The following NAA15 variants were observed in gnomAD, a reference collection of about 807,000 sequenced individuals.
NAA15 encodes N-terminal acetyltransferase.
NAA15 carries 34 observed loss-of-function variants against 114.0 expected under a neutral mutation model. That is an observed-to-expected ratio of 0.30 (90% CI 0.23 to 0.40). The LOEUF is 0.40. Among genes scored for constraint, NAA15 ranks in the 10% least tolerant of loss-of-function variants. The pLI is 1.00. For synonymous variants in NAA15, 340 were observed against 338.0 expected (o/e 1.01, Z -0.06); for missense variants, 658 against 1,004.5 (o/e 0.66, Z 4.66).
In NAA15 at chr4:139,376,616, C is replaced by T. The variant is rs55895938; in HGVS notation, c.2056+143C>T. ...TTCTCACAGAAATGCCTGCTATGAA[C>T]AGAATGTGTAGGGAGATATAATGAT... On this transcript the variant is annotated intron_variant, in intron 16 of 19. Transcript: ENST00000296543. 0.054 allele frequency: 35,120 copies of T among 645,818 alleles called. 1,169 individuals carry two copies. The highest frequency in any genetic ancestry group is 0.069 in the Non-Finnish European group (24,795 of 361,376). The allele number at this position is 645,818 out of a possible 1,614,324, so 40.0% of individuals were successfully genotyped here.
chr4:139,322,981 G>A (rs1746671108), intron 1 of NAA15, among the ~76,000 whole-genome samples: 1 of 151,642 alleles, frequency 6.6e-6, no homozygotes, highest in Admixed American at 6.6e-5. Flanking sequence ...ATAAGCCACC[G>A]CTCCCAGCCT....
intron 7 of NAA15, among the ~76,000 whole-genome samples, chr4:139,350,108 C>G (rs1747729699): frequency 6.6e-6 from 1 of 151,944 alleles, no homozygotes; most frequent in Admixed American, 6.6e-5. Context: ...ATTTTAGAGA[C>G]AACTTTAGAA....
At chr4:139,308,897 G>T (rs1046160626) in intron 1 of NAA15, among the ~76,000 whole-genome samples, 1 of 151,862 alleles carries the variant, frequency 6.6e-6, no homozygotes, top group Non-Finnish European at 1.5e-5. Flanking sequence ...GATTACAGGC[G>T]TGAGCCACCG....
intron 17 of NAA15, chr4:139,379,295 C>G (rs1411823392): frequency 6.6e-6 from 1 of 152,412 alleles, no homozygotes; most frequent in South Asian, 2.1e-4. Context: ...TACTTTAAAA[C>G]AATTATCTGT....
At chr4:139,354,376 G>A (rs942832680) in intron 10 of NAA15, among the ~76,000 whole-genome samples, 2 of 152,096 alleles carry the variant, frequency 1.3e-5, no homozygotes, top group Admixed American at 1.3e-4. Flanking sequence ...ACAGCTCACT[G>A]CAGCTTCGAC....
rs1156613890 is a variant in NAA15 at position 139,388,529 on chromosome 4, A to G, written c.*445A>G. Reference sequence around the variant, plus strand: ...GAGCACAAAGAGTTGTTGGGGCTTTAGCATCTGACTGATTTTGTTACGGGG... The same window carrying G: ...GAGCACAAAGAGTTGTTGGGGCTTTGGCATCTGACTGATTTTGTTACGGGG... On this transcript the variant is annotated 3_prime_UTR_variant, in exon 20 of 20. Coordinates refer to ENST00000296543, the MANE Select transcript of NAA15 (RefSeq NM_057175.5). 1 of 157,446 alleles carries G rather than the reference A, an allele frequency of 6.4e-6. No individual in the cohort carries two copies. Among genetic ancestry groups the G allele is most frequent in the Non-Finnish European group, 1.4e-5 (1 of 71,218 alleles). The allele number at this position is 157,446 out of a possible 1,614,324, so 9.8% of individuals were successfully genotyped here. A position where few individuals can be genotyped will look rare whatever the true frequency, so the allele number is the denominator to read the frequency against.
chr4:139,344,298 A>C lies in NAA15; in HGVS notation c.650A>C (p.Glu217Ala). The change falls in exon 6 of 20, where the codon GAA (glutamate) becomes GCA (alanine). Residue 217 changes from glutamate to alanine, a missense_variant. Around this residue, in one of 6 missense-constraint regions of NAA15, gnomAD observed 281 missense variants for 389.1 expected, o/e 0.72. Coordinates refer to ENST00000296543, the MANE Select transcript of NAA15 (RefSeq NM_057175.5). ...REALEHLCTY[E>A]KQICDKLAVE... ...GCTTTGGAACATCTTTGTACCTATG[A>C]AAAGCAGATTTGTGATAAACTTGCT... 1 of 1,611,722 alleles carries C rather than the reference A, an allele frequency of 6.2e-7. No homozygotes were observed. The highest frequency in any genetic ancestry group is 8.5e-7 in the Non-Finnish European group (1 of 1,179,074).
At chr4:139,332,934 C>G (rs1747072757) in intron 1 of NAA15, among the ~76,000 whole-genome samples, 1 of 152,072 alleles carries the variant, frequency 6.6e-6, no homozygotes, top group Non-Finnish European at 1.5e-5. Flanking sequence ...GAGATTGGTT[C>G]CAGGATCTCC....
At chr4:139,384,251 C>G (rs1299967663) in intron 17 of NAA15, among the ~76,000 whole-genome samples, 1 of 152,164 alleles carries the variant, frequency 6.6e-6, no homozygotes, top group Non-Finnish European at 1.5e-5. Context: ...CCAAGGTGAA[C>G]AGATCTCTTG....
chr4:139,385,808 G>T (rs1748895907), intron 18 of NAA15, among the ~76,000 whole-genome samples: 1 of 152,112 alleles, frequency 6.6e-6, no homozygotes, highest in African/African-American at 2.4e-5. Flanking sequence ...GACTATCATG[G>T]TCCTACCACA....
At chr4:139,356,206 T>C (rs1367603590) in intron 10 of NAA15, among the ~76,000 whole-genome samples, 3 of 152,188 alleles carry the variant, frequency 2.0e-5, no homozygotes, top group Non-Finnish European at 4.4e-5. Flanking sequence ...AATAACCACA[T>C]TACAAATCTC....
intron 1 of NAA15, among the ~76,000 whole-genome samples, chr4:139,326,600 C>A (rs1400962002): frequency 2.0e-5 from 3 of 152,064 alleles, no homozygotes; most frequent in Non-Finnish European, 4.4e-5. Context: ...TTCGTTAATT[C>A]CTCAAAGTAA....
At chr4:139,308,042 T>A (rs950067492) in intron 1 of NAA15, among the ~76,000 whole-genome samples, 5 of 151,998 alleles carry the variant, frequency 3.3e-5, no homozygotes, top group Admixed American at 6.6e-5. Context: ...GCTCATTGCA[T>A]GCTCTGCCTC....
chr4:139,346,482 GAAGAT>G (rs1747585459), intron 6 of NAA15, among the ~76,000 whole-genome samples: 1 of 151,998 alleles, frequency 6.6e-6, no homozygotes, highest in South Asian at 2.1e-4. Context: ...GTTGGTGGGA[GAAGAT>G]AAGATGGTCA....
At chr4:139,343,803 A>G (rs930808565) in intron 5 of NAA15, among the ~76,000 whole-genome samples, 1 of 152,170 alleles carries the variant, frequency 6.6e-6, no homozygotes, top group Non-Finnish European at 1.5e-5. Flanking sequence ...TCAAACTTTC[A>G]CCATCTAGTT....
intron 1 of NAA15, among the ~76,000 whole-genome samples, chr4:139,306,682 T>G (rs556582210): frequency 6.6e-6 from 1 of 152,150 alleles, no homozygotes; most frequent in East Asian, 1.9e-4. Context: ...TAGAAAATTG[T>G]GGCCTTTGCC....
At chr4:139,355,535 A>C (rs1006576544) in intron 10 of NAA15, among the ~76,000 whole-genome samples, 2 of 152,100 alleles carry the variant, frequency 1.3e-5, no homozygotes, top group Non-Finnish European at 2.9e-5. Context: ...TGCTAGTATG[A>C]TAGCCAGTAG....
rs1032125279 is a variant in NAA15, at chr4:139,373,088, C to T, written c.1947+2684C>T. The stretch of plus-strand genomic sequence containing the variant: ...ATGGCAATGGGATTCTACCATGTTG[C>T]CCAGGCTGGTCTCAAACTCTTGGGC... On this transcript the variant is annotated intron_variant, in intron 15 of 19. Coordinates refer to ENST00000296543, the MANE Select transcript of NAA15 (RefSeq NM_057175.5). 2.0e-5 allele frequency among the ~76,000 whole-genome samples: 3 copies of T among 152,020 alleles called. No homozygotes were observed. In the East Asian group the frequency reaches 5.8e-4, roughly 29 times the overall value.
At chr4:139,308,085 C>T (rs1746084964) in intron 1 of NAA15, among the ~76,000 whole-genome samples, 1 of 151,984 alleles carries the variant, frequency 6.6e-6, no homozygotes, top group African/African-American at 2.4e-5. Flanking sequence ...CCTCAGCCTC[C>T]TGAGTAGCTG....
Sources: gnomAD v4.1 joint callset for allele counts (sites outside exome capture counted in the v4.1 genomes callset) on GRCh38, gnomAD v4.1.1 for gene constraint, gnomAD v4.1.1 regional missense constraint, MANE v1.5 for transcripts, NCBI Gene and HGNC (gene_info 2026-07-23, HGNC 2026-07-21) for gene names.